Variants in NPLOC4 observed in about 807,000 individuals in gnomAD.
NPLOC4 encodes the protein NPL4 homolog, ubiquitin recognition factor, also known as nuclear protein localization protein 4 homolog.
NPLOC4 carries 18 observed loss-of-function variants against 80.6 expected under a neutral mutation model. That is an observed-to-expected ratio of 0.22 (90% CI 0.15 to 0.33). The LOEUF (loss-of-function observed/expected upper bound fraction) is 0.33, where lower values mean the gene tolerates loss of function less well. Ranked by LOEUF, NPLOC4 falls within the 10% of genes least tolerant of loss-of-function variation. The probability of loss-of-function intolerance (pLI) is 1.00; values close to 1 mark genes in which losing one functional copy is unlikely to be tolerated. For missense variants in NPLOC4, 540 were observed against 786.1 expected (o/e 0.69, Z 3.74); for synonymous variants, 313 against 301.5 (o/e 1.04, Z -0.39).
intron 12 of NPLOC4, among the ~76,000 whole-genome samples, chr17:81,575,383 G>A (rs1260125421): frequency 6.6e-6 from 1 of 152,228 alleles, no homozygotes; most frequent in Non-Finnish European, 1.5e-5. Context: ...CTACAGGCGT[G>A]AGCCACAGCG....
At chr17:81,595,310 T>A (rs979152181) in intron 11 of NPLOC4, among the ~76,000 whole-genome samples, 3 of 151,316 alleles carry the variant, frequency 2.0e-5, no homozygotes, top group Non-Finnish European at 2.9e-5. Flanking sequence ...GGTGTGCACT[T>A]ACAATTCCAG....
intron 12 of NPLOC4, among the ~76,000 whole-genome samples, chr17:81,583,253 G>A (rs1488234288): frequency 6.6e-6 from 1 of 152,208 alleles, no homozygotes; most frequent in African/African-American, 2.4e-5. Context: ...GGTGTTAAAT[G>A]TGGCACTTTC....
intron 12 of NPLOC4, among the ~76,000 whole-genome samples, chr17:81,578,661 C>T (rs891392664): frequency 6.6e-6 from 1 of 152,048 alleles, no homozygotes; most frequent in African/African-American, 2.4e-5. Flanking sequence ...GGGAAGAGCC[C>T]CTTATAAATC....
rs2144298783 is a variant in NPLOC4, at chr17:81,622,502, G to T, written c.97-224C>A. Among the ~76,000 whole-genome samples, 3 of 152,352 alleles carry T rather than the reference G, an allele frequency of 2.0e-5. 1 individual carries two copies. The highest frequency in any genetic ancestry group is 2.0e-4 in the Admixed American group (3 of 15,296). ...CCAAAAAAGCAAAGGTCTTGTCAAT[G>T]ATGAAACTTTGTAAAACATTTAAGA... On this transcript the variant is annotated intron_variant, in intron 2 of 16. Transcript: ENST00000331134.
chr17:81,629,142 T>C (rs987696949), intron 2 of NPLOC4, among the ~76,000 whole-genome samples: 1 of 150,934 alleles, frequency 6.6e-6, no homozygotes, highest in African/African-American at 2.4e-5. Context: ...CCTCCCAAAG[T>C]GCTGCGATTA....
At chr17:81,595,275 A>C (rs900019677) in intron 11 of NPLOC4, among the ~76,000 whole-genome samples, 2 of 151,722 alleles carry the variant, frequency 1.3e-5, no homozygotes, top group African/African-American at 2.4e-5. Flanking sequence ...CGCTACTAAA[A>C]ATACAAAAAT....
chr17:81,602,602 T>C (rs769329864), intron 8 of NPLOC4, among the ~76,000 whole-genome samples: 4 of 151,532 alleles, frequency 2.6e-5, no homozygotes, highest in Admixed American at 6.6e-5. Context: ...TTCAGGAGGC[T>C]GAGGCAGGAG....
intron 8 of NPLOC4, among the ~76,000 whole-genome samples, chr17:81,602,980 TACACACAC>T (rs150613321): frequency 0.014 from 2,058 of 144,990 alleles, 21 homozygotes; most frequent in African/African-American, 0.035. Context: ...TATACACAAA[TACACACAC>T]ACACACACAC....
chr17:81,595,336 G>A (rs1411592356), intron 11 of NPLOC4, among the ~76,000 whole-genome samples: 1 of 150,798 alleles, frequency 6.6e-6, no homozygotes, highest in Admixed American at 6.6e-5. Flanking sequence ...CTGAAGGCTG[G>A]GGCACAAAAA....
chr17:81,581,316 T>G (rs1234875551), intron 12 of NPLOC4, among the ~76,000 whole-genome samples: 4 of 122,380 alleles, frequency 3.3e-5, no homozygotes, highest in African/African-American at 6.5e-5. Context: ...GCCACTGCAT[T>G]CCAGCCTGGG....
chr17:81,583,625 A>G (rs2034499588), intron 12 of NPLOC4, among the ~76,000 whole-genome samples: 1 of 152,146 alleles, frequency 6.6e-6, no homozygotes, highest in Non-Finnish European at 1.5e-5. Flanking sequence ...ATGCTTTCCT[A>G]AAAAACTACA....
At chr17:81,590,188 C>T (rs1278746934) in intron 11 of NPLOC4, among the ~76,000 whole-genome samples, 3 of 152,246 alleles carry the variant, frequency 2.0e-5, no homozygotes, top group African/African-American at 4.8e-5. Context: ...GCAGGTGCCA[C>T]TCCACGGCCG....
Position 81,604,552 on chromosome 17 carries a change from G to C in NPLOC4, c.830C>G (p.Pro277Arg). 6.2e-7 allele frequency: 1 copy of C among 1,611,812 alleles called. No homozygotes were observed. The change falls in exon 8 of 17, where the codon CCT becomes CGT. Residue 277 changes from proline (P) to arginine (R), a missense_variant. Physicochemically the swap from Pro to Arg is moderately radical, Grantham distance 103 (BLOSUM62 -2). Transcript: ENST00000331134. Reference sequence around the variant, plus strand: ...CTTGAATCCCGTCATGTTTACCTGAGGTGGCTCATAAATCGCAGCCACTTC... The same window carrying C: ...CTTGAATCCCGTCATGTTTACCTGACGTGGCTCATAAATCGCAGCCACTTC... ...RAEVAAIYEP[P>R]QIGTQNSLEL... is the part of the protein sequence containing the mutation.
chr17:81,636,547 G>A (rs1025902910), intron 1 of NPLOC4: 2 of 197,944 alleles, frequency 1.0e-5, no homozygotes, highest in Non-Finnish European at 2.0e-5. Flanking sequence ...CTGGCTCTGA[G>A]AGGGGCAGGA....
intron 8 of NPLOC4, among the ~76,000 whole-genome samples, chr17:81,604,018 A>G (rs2035134883): frequency 6.6e-6 from 1 of 152,180 alleles, no homozygotes; most frequent in Non-Finnish European, 1.5e-5. Flanking sequence ...ATGACTTCCA[A>G]GCACAGTGAC....
intron 4 of NPLOC4, among the ~76,000 whole-genome samples, chr17:81,612,033 A>C (rs1025123310): frequency 3.3e-5 from 5 of 152,062 alleles, no homozygotes; most frequent in Non-Finnish European, 7.4e-5. Context: ...AAAGGGCCTG[A>C]GAGCGGTGCA....
intron 12 of NPLOC4, among the ~76,000 whole-genome samples, chr17:81,584,390 TA>T (rs1394968215): frequency 6.6e-6 from 1 of 152,226 alleles, no homozygotes; most frequent in Non-Finnish European, 1.5e-5. Flanking sequence ...GCTCCATTCC[TA>T]AGTGCAAGAA....
At chr17:81,576,875 C>G (rs1293060184) in intron 12 of NPLOC4, among the ~76,000 whole-genome samples, 1 of 152,188 alleles carries the variant, frequency 6.6e-6, no homozygotes, top group Non-Finnish European at 1.5e-5. Flanking sequence ...CAAGGCTGGT[C>G]TGCAGCACCA....
At chr17:81,595,398 C>T (rs1377677058) in intron 11 of NPLOC4, among the ~76,000 whole-genome samples, 15 of 145,178 alleles carry the variant, frequency 1.0e-4, no homozygotes, top group Non-Finnish European at 2.2e-4. Flanking sequence ...TGCGCCACTG[C>T]ACTCCAGCCT....
Sources: allele counts gnomAD v4.1 joint callset (sites outside exome capture counted in the v4.1 genomes callset), GRCh38; gene constraint gnomAD v4.1.1; transcripts MANE v1.5; gene names NCBI Gene and HGNC (gene_info 2026-07-23, HGNC 2026-07-21).